The following SORCS3 variants were observed in gnomAD, a reference collection of about 807,000 sequenced individuals.
The protein encoded by SORCS3 is VPS10 domain-containing receptor SorCS3.
In SORCS3, 57 loss-of-function variants were observed where a neutral mutation model predicts 146.3. The ratio of observed to expected loss-of-function variants is 0.39; its 90% CI spans 0.31 to 0.49. The LOEUF is 0.49. Among genes scored for constraint, SORCS3 ranks in the 20% least tolerant of loss-of-function variants. SORCS3 has a pLI of 0.92. For missense variants in SORCS3, 1,341 were observed against 1,575.5 expected, an observed-to-expected ratio of 0.85 and a Z score of 2.52; for synonymous variants, 653 against 618.5, an observed-to-expected ratio of 1.06 and a Z score of -0.83.
At chr10:104,832,614 A>G (rs1045761882) in intron 1 of SORCS3, among the ~76,000 whole-genome samples, 13 of 152,210 alleles carry the variant, frequency 8.5e-5, no homozygotes, top group African/African-American at 3.1e-4. Flanking sequence ...GCTACTCAGG[A>G]GGCTGAGGCA....
chr10:104,731,486 GCTA>G (rs1319605280), intron 1 of SORCS3, among the ~76,000 whole-genome samples: 1 of 152,108 alleles, frequency 6.6e-6, no homozygotes, highest in Non-Finnish European at 1.5e-5. Flanking sequence ...TCCAGAAGAG[GCTA>G]CCTAATCCCT....
intron 1 of SORCS3, among the ~76,000 whole-genome samples, chr10:104,664,308 A>G (rs1010754097): frequency 2.6e-5 from 4 of 152,184 alleles, no homozygotes; most frequent in African/African-American, 9.7e-5. Context: ...GAAAGGAAAA[A>G]TATCAACCCA....
intron 4 of SORCS3, among the ~76,000 whole-genome samples, chr10:105,034,014 A>G (rs1176617221): frequency 6.6e-6 from 1 of 152,188 alleles, no homozygotes; most frequent in Admixed American, 6.5e-5. Context: ...CATACCTGGC[A>G]CAGTATTAAG....
intron 3 of SORCS3, among the ~76,000 whole-genome samples, chr10:104,977,062 TA>T (rs76261552): frequency 1.9e-3 from 271 of 140,018 alleles, no homozygotes; most frequent in Middle Eastern, 7.1e-3. Context: ...AGTATAATAA[TA>T]AAAAAAAAAA....
At chr10:104,651,544 A>AC (rs35423375) in intron 1 of SORCS3, among the ~76,000 whole-genome samples, 17,958 of 149,234 alleles carry the variant, frequency 0.12, 1,106 homozygotes, top group Non-Finnish European at 0.14. Context: ...AAAAAAAAAA[A>AC]AAAAAAAAAA....
In SORCS3 at chr10:105,062,283, C is replaced by T. The variant is rs184708451; in HGVS notation, c.1028+19155C>T. Among the ~76,000 whole-genome samples the T allele has an allele frequency of 8.5e-5, 13 of 152,226 alleles. No homozygotes were observed. In the East Asian group the frequency reaches 1.9e-3, roughly 23 times the overall value. On this transcript the variant is annotated intron_variant, in intron 5 of 26. Transcript: ENST00000369701. ...TAGTGGCCCAGTGTATGGGGTTGGC[C>T]GCAGACTGTGTAGGTTTAAACTGCT...
intron 1 of SORCS3, among the ~76,000 whole-genome samples, chr10:104,794,396 G>A (rs375694229): frequency 3.9e-5 from 6 of 152,060 alleles, no homozygotes; most frequent in Non-Finnish European, 7.4e-5. Context: ...CCAAGTGGCC[G>A]CTGTGGATGG....
intron 2 of SORCS3, among the ~76,000 whole-genome samples, chr10:104,913,399 A>G (rs541188660): frequency 1.3e-5 from 2 of 152,324 alleles, no homozygotes; most frequent in African/African-American, 4.8e-5. Flanking sequence ...GTAGAAAGGC[A>G]AGGAGAAAGA....
chr10:105,026,678 A>G (rs1055816051), intron 4 of SORCS3, among the ~76,000 whole-genome samples: 2 of 152,228 alleles, frequency 1.3e-5, no homozygotes, highest in African/African-American at 4.8e-5. Context: ...CCTTTGCAGC[A>G]ACATGGAATG....
chr10:104,977,505 C>G lies in SORCS3; in HGVS notation c.954+12C>G, dbSNP rs776903997. On this transcript the variant is annotated intron_variant, in intron 4 of 26. Transcript: ENST00000369701. ...GTTTGGATCAAAAGGTGAATAAATACTATTTTCATTTACTTCTTGTCATCC... is the reference window on the plus strand; with the variant it reads ...GTTTGGATCAAAAGGTGAATAAATAGTATTTTCATTTACTTCTTGTCATCC... 2.0e-5 allele frequency: 32 copies of G among 1,586,420 alleles called. No individual in the cohort carries two copies. The highest frequency in any genetic ancestry group is 2.7e-5 in the Non-Finnish European group (31 of 1,167,762).
chr10:104,784,672 C>T (rs1421799081), intron 1 of SORCS3, among the ~76,000 whole-genome samples: 1 of 152,202 alleles, frequency 6.6e-6, no homozygotes, highest in African/African-American at 2.4e-5. Context: ...GGCCCCTTCT[C>T]AGTGCAGAGC....
chr10:104,958,845 T>C (rs1407931580), intron 3 of SORCS3, among the ~76,000 whole-genome samples: 2 of 152,102 alleles, frequency 1.3e-5, no homozygotes, highest in Non-Finnish European at 2.9e-5. Context: ...ACATCTTACA[T>C]GGTGGCAGAA....
chr10:104,653,025 T>G (rs1460563004), intron 1 of SORCS3, among the ~76,000 whole-genome samples: 1 of 152,218 alleles, frequency 6.6e-6, no homozygotes, highest in Non-Finnish European at 1.5e-5. Flanking sequence ...GAATGAAAAT[T>G]AATGAAATTA....
At chr10:105,084,733 CTTT>C (rs35594157) in intron 5 of SORCS3, among the ~76,000 whole-genome samples, 6 of 143,052 alleles carry the variant, frequency 4.2e-5, no homozygotes, top group African/African-American at 1.0e-4. Flanking sequence ...GCTGCTTCTT[CTTT>C]TTTTTTTTTT....
chr10:104,907,006 G>A (rs888010278), intron 2 of SORCS3, among the ~76,000 whole-genome samples: 1 of 152,096 alleles, frequency 6.6e-6, no homozygotes, highest in Non-Finnish European at 1.5e-5. Flanking sequence ...TAATGGAAAT[G>A]TATTGCCTTG....
At chr10:105,146,400 C>T (rs1248218028) in intron 8 of SORCS3, among the ~76,000 whole-genome samples, 1 of 151,784 alleles carries the variant, frequency 6.6e-6, no homozygotes, top group East Asian at 1.9e-4. Flanking sequence ...ATGATCCAGT[C>T]CGGGATTAAA....
intron 20 of SORCS3, among the ~76,000 whole-genome samples, chr10:105,227,365 CTT>C (rs1170546267): frequency 6.6e-6 from 1 of 152,000 alleles, no homozygotes; most frequent in Non-Finnish European, 1.5e-5. Context: ...TAAAGTTCCT[CTT>C]GTTATTGATT....
intron 1 of SORCS3, among the ~76,000 whole-genome samples, chr10:104,758,879 A>C (rs1005854289): frequency 6.6e-6 from 1 of 152,020 alleles, no homozygotes; most frequent in Non-Finnish European, 1.5e-5. Context: ...ACATGACTTC[A>C]CTCTGAAGAA....
intron 3 of SORCS3, among the ~76,000 whole-genome samples, chr10:104,929,187 A>G (rs973072507): frequency 3.9e-5 from 6 of 152,196 alleles, no homozygotes; most frequent in African/African-American, 7.2e-5. Flanking sequence ...TAATCTGTCA[A>G]TGGGGCTCAC....
Sources: allele counts gnomAD v4.1 joint callset (sites outside exome capture counted in the v4.1 genomes callset), GRCh38; gene constraint gnomAD v4.1.1; transcripts MANE v1.5; gene names NCBI Gene and HGNC (gene_info 2026-07-23, HGNC 2026-07-21).